COG4: variants seen among roughly 807,000 people sequenced by gnomAD.
COG4 encodes the protein component of oligomeric golgi complex 4.
Under a neutral mutation model 95.1 loss-of-function variants are expected in COG4, and 65 were observed. The ratio of observed to expected loss-of-function variants is 0.68; its 90% CI spans 0.56 to 0.84. The LOEUF is 0.84. Ranked by LOEUF, COG4 falls within the 40% of genes least tolerant of loss-of-function variation. The pLI is 0.00. For missense variants in COG4, 1,045 were observed against 989.1 expected (o/e 1.06, Z -0.76); for synonymous variants, 421 against 374.8 (o/e 1.12, Z -1.42).
intron 5 of COG4, among the ~76,000 whole-genome samples, chr16:70,510,751 C>T (rs2049684151): frequency 6.6e-6 from 1 of 151,820 alleles, no homozygotes. Context: ...AAAAAAAGTA[C>T]CATAGAGCAG....
chr16:70,493,349 C>T (rs1177357657), intron 12 of COG4, among the ~76,000 whole-genome samples: 2 of 151,872 alleles, frequency 1.3e-5, no homozygotes, highest in Non-Finnish European at 2.9e-5. Context: ...GTATGGTAGC[C>T]CTCAGCCATG....
intron 18 of COG4, 92 bp downstream of exon 18, chr16:70,481,267 C>T: frequency 6.2e-7 from 1 of 1,607,762 alleles, no homozygotes; most frequent in Non-Finnish European, 8.5e-7. Context: ...GAGCTGGCTG[C>T]TGGCAGACAT....
chr16:70,510,767 CTTT>C (rs766994398), intron 5 of COG4, among the ~76,000 whole-genome samples: 2 of 140,974 alleles, frequency 1.4e-5, no homozygotes, highest in South Asian at 2.3e-4. Context: ...AGCAGGTTTC[CTTT>C]TTTTTTTTTT....
At chr16:70,507,361 CTCT>C (rs2049600480) in intron 8 of COG4, among the ~76,000 whole-genome samples, 2 of 151,950 alleles carry the variant, frequency 1.3e-5, no homozygotes, top group Non-Finnish European at 2.9e-5. Flanking sequence ...AATACTGTAC[CTCT>C]TCTATGTTTA....
rs766994398 is a variant in COG4 at position 70,510,767 on chromosome 16, C to CTT, written c.739-748_739-747dup. ...AAAAAAGTACCATAGAGCAGGTTTC[C>CTT]TTTTTTTTTTTTTTTGAAATGGAAT... On this transcript the variant is annotated intron_variant, in intron 5 of 18. Coordinates refer to ENST00000323786, the MANE Select transcript of COG4 (RefSeq NM_015386.3). Among the ~76,000 whole-genome samples the CTT allele has an allele frequency of 2.7e-3, 379 of 140,992 alleles. 3 individuals are homozygous for CTT. Among genetic ancestry groups the CTT allele is most frequent in the African/African-American group, 9.3e-3 (359 of 38,572 alleles). 92.5% of individuals were successfully genotyped at this position (140,992 alleles called of 152,430 possible).
At chr16:70,523,056 C>G in intron 1 of COG4, 2 of 373,630 alleles carry the variant, frequency 5.4e-6, no homozygotes, top group South Asian at 3.2e-5. Context: ...TTTTGAGAAC[C>G]AAGCAATTTG....
At chr16:70,514,198 C>T in intron 4 of COG4, 137 bp downstream of exon 4, 1 of 877,354 alleles carries the variant, frequency 1.1e-6, no homozygotes, top group Non-Finnish European at 1.8e-6. Context: ...AAGAGCAAGA[C>T]TCCGTCTCAA....
intron 3 of COG4, 54 bp from the exon 4 acceptor site, chr16:70,514,563 CT>C: frequency 6.6e-7 from 1 of 1,516,970 alleles, no homozygotes; most frequent in South Asian, 1.1e-5. Context: ...AAAAACACCC[CT>C]CAAGAAGGTA....
chr16:70,490,208 A>G, intron 13 of COG4, 122 bp downstream of exon 13: 1 of 826,550 alleles, frequency 1.2e-6, no homozygotes. Flanking sequence ...TCACCAAAGA[A>G]TCCCCTCAAG....
intron 4 of COG4, among the ~76,000 whole-genome samples, chr16:70,513,365 G>C (rs962866852): frequency 6.6e-6 from 1 of 152,214 alleles, no homozygotes; most frequent in African/African-American, 2.4e-5. Flanking sequence ...GCTGGCCAGA[G>C]AATCAGTAGA....
chr16:70,508,393 G>A lies in COG4; in HGVS notation c.1061+13C>T, dbSNP rs751402748. On this transcript the variant is annotated intron_variant, in intron 8 of 18. Transcript: ENST00000323786. ...AAACTCCTGTGGGCTGAAGAAGAGA[G>A]AAGGATTATTACCTTGGTTCGATTT... 1 of 1,610,716 alleles carries A rather than the reference G, an allele frequency of 6.2e-7. No homozygotes were observed. Among genetic ancestry groups the A allele is most frequent in the Non-Finnish European group, 8.5e-7 (1 of 1,177,082 alleles).
At chr16:70,508,290 G>A (rs1370062784) in intron 8 of COG4, 116 bp downstream of exon 8, 3 of 857,836 alleles carry the variant, frequency 3.5e-6, no homozygotes, top group Non-Finnish European at 5.9e-6. Context: ...AAAAATAAGA[G>A]TAATTGATAA....
At chr16:70,505,201 T>C (rs1405913562) in intron 8 of COG4, among the ~76,000 whole-genome samples, 5 of 147,790 alleles carry the variant, frequency 3.4e-5, no homozygotes, top group South Asian at 2.2e-4. Flanking sequence ...GATTTTCTTT[T>C]TTTTTTTTTT....
intron 9 of COG4, among the ~76,000 whole-genome samples, chr16:70,500,716 C>T (rs1005597308): frequency 5.9e-5 from 9 of 152,022 alleles, no homozygotes; most frequent in African/African-American, 2.2e-4. Context: ...ATTTATATCC[C>T]ATAAAATTTA....
At chr16:70,515,708 A>AATCAATC (rs541420494) in intron 3 of COG4, among the ~76,000 whole-genome samples, 52 of 151,928 alleles carry the variant, frequency 3.4e-4, no homozygotes, top group African/African-American at 1.2e-3. Context: ...ATCAATCAAT[A>AATCAATC]AATAAATAAA....
chr16:70,495,397 C>CAAAAAAAAAAAA (rs11382671), intron 12 of COG4, among the ~76,000 whole-genome samples: 2 of 111,330 alleles, frequency 1.8e-5, no homozygotes, highest in African/African-American at 7.1e-5. Flanking sequence ...GACTCCATCT[C>CAAAAAAAAAAAA]AAAAAAAAAA....
intron 8 of COG4, among the ~76,000 whole-genome samples, chr16:70,505,194 TTTC>T (rs1189829080): frequency 1.8e-4 from 26 of 144,870 alleles, no homozygotes; most frequent in Non-Finnish European, 3.2e-4. Context: ...ACGTTTGGAT[TTTC>T]TTTTTTTTTT....
intron 8 of COG4, 24 bp from the exon 9 acceptor site, chr16:70,501,115 A>G (rs543525620): frequency 1.2e-6 from 2 of 1,610,768 alleles, no homozygotes; most frequent in African/African-American, 1.3e-5. Flanking sequence ...AGCAGAAGGA[A>G]TAGGACGACA....
rs1338652677 is a variant in COG4, at chr16:70,480,759, G to A, written c.*251C>T. ...AGCTGGCCTGGGCTGCTCGCTGCCTGCCGTGGCTTTCCCACCTCATTAGGA... is the reference window on the plus strand; with the variant it reads ...AGCTGGCCTGGGCTGCTCGCTGCCTACCGTGGCTTTCCCACCTCATTAGGA... On this transcript the variant is annotated 3_prime_UTR_variant, in exon 19 of 19. Transcript: ENST00000323786. 5.6e-6 allele frequency: 3 copies of A among 537,318 alleles called. No homozygotes were observed. The highest frequency in any genetic ancestry group is 1.0e-5 in the Non-Finnish European group (3 of 297,154). The allele number at this position is 537,318 out of a possible 1,614,324, so 33.3% of individuals were successfully genotyped here. A position where few individuals can be genotyped will look rare whatever the true frequency, so the allele number is the denominator to read the frequency against.
Sources: allele counts gnomAD v4.1 joint callset (sites outside exome capture counted in the v4.1 genomes callset), GRCh38; gene constraint gnomAD v4.1.1; transcripts MANE v1.5; gene names NCBI Gene and HGNC (gene_info 2026-07-23, HGNC 2026-07-21).